Variants in SULF2 observed in about 807,000 individuals in gnomAD.
SULF2 encodes extracellular sulfatase Sulf-2.
In SULF2, 52 loss-of-function variants were observed where a neutral mutation model predicts 107.7. The ratio of observed to expected loss-of-function variants is 0.48; its 90% CI spans 0.39 to 0.61. The LOEUF (loss-of-function observed/expected upper bound fraction) is 0.61. Among genes scored for constraint, SULF2 ranks in the 20% least tolerant of loss-of-function variants. The pLI is 0.00. For missense variants in SULF2, 993 were observed against 1,177.3 expected, an observed-to-expected ratio of 0.84 and a Z score of 2.29; for synonymous variants, 460 against 464.3, an observed-to-expected ratio of 0.99 and a Z score of 0.12.
At chr20:47,701,538 T>G (rs927664529) in intron 4 of SULF2, among the ~76,000 whole-genome samples, 1 of 152,168 alleles carries the variant, frequency 6.6e-6, no homozygotes, top group Admixed American at 6.5e-5. Context: ...ACTCCGAACA[T>G]GCACACGCCC....
chr20:47,754,064 G>A (rs2090222346), intron 2 of SULF2, among the ~76,000 whole-genome samples: 1 of 152,192 alleles, frequency 6.6e-6, no homozygotes, highest in African/African-American at 2.4e-5. Flanking sequence ...AATTCCAAAT[G>A]ACAGCTTAGG....
chr20:47,701,799 C>T (rs1438469827), intron 4 of SULF2, among the ~76,000 whole-genome samples: 2 of 152,160 alleles, frequency 1.3e-5, no homozygotes, highest in African/African-American at 2.4e-5. Flanking sequence ...GAATCTGTAA[C>T]GCTAAGAGTC....
At chr20:47,684,062 A>G (rs2087915856) in intron 6 of SULF2, among the ~76,000 whole-genome samples, 1 of 152,276 alleles carries the variant, frequency 6.6e-6, no homozygotes, top group African/African-American at 2.4e-5. Context: ...CCTAACATGG[A>G]TGTGGTGATG....
intron 11 of SULF2, among the ~76,000 whole-genome samples, chr20:47,669,899 GAAGC>G (rs2087405557): frequency 1.3e-5 from 2 of 152,264 alleles, no homozygotes; most frequent in African/African-American, 4.8e-5. Flanking sequence ...GCCACATATT[GAAGC>G]AAGGAGATGC....
intron 1 of SULF2, among the ~76,000 whole-genome samples, chr20:47,769,159 G>A (rs957687187): frequency 4.0e-5 from 6 of 151,858 alleles, no homozygotes; most frequent in African/African-American, 1.2e-4. Flanking sequence ...TCCTGCCTCC[G>A]CCTCCTGAGT....
At chr20:47,764,450 C>T (rs187369958) in intron 1 of SULF2, among the ~76,000 whole-genome samples, 1 of 152,234 alleles carries the variant, frequency 6.6e-6, no homozygotes, top group Non-Finnish European at 1.5e-5. Flanking sequence ...TTTCCCACCC[C>T]CCCTTATATA....
intron 2 of SULF2, among the ~76,000 whole-genome samples, chr20:47,745,447 AT>A (rs2090011077): frequency 1.1e-4 from 1 of 9,380 alleles, no homozygotes; most frequent in Non-Finnish European, 1.7e-4. Context: ...ATATATATAT[AT>A]ATATATATAC....
At chr20:47,669,273 C>T (rs1176114825) in intron 11 of SULF2, among the ~76,000 whole-genome samples, 1 of 152,150 alleles carries the variant, frequency 6.6e-6, no homozygotes. Context: ...TGTGAGCTGG[C>T]TGGCTCTGCC....
intron 1 of SULF2, among the ~76,000 whole-genome samples, chr20:47,768,022 G>A (rs747026284): frequency 5.3e-5 from 8 of 152,166 alleles, no homozygotes; most frequent in Non-Finnish European, 7.4e-5. Flanking sequence ...CCTAGACCTG[G>A]GCCAATCAGA....
chr20:47,753,817 C>A lies in SULF2; in HGVS notation c.175+3372G>T, dbSNP rs576975278. Among the ~76,000 whole-genome samples the A allele has an allele frequency of 1.1e-4, 17 of 152,320 alleles. No individual in the cohort carries two copies. The South Asian group carries it at 2.3e-3, about 20-fold the overall frequency. ...GTTTAGATCAAATTAAATCAGTAAA[C>A]CCTGGCAGAGCCCAAAGATTCTACT... is the stretch of plus-strand genomic sequence containing the variant. On this transcript the variant is annotated intron_variant, in intron 2 of 20. Transcript: ENST00000688720.
Position 47,736,584 on chromosome 20 carries a change from G to T in SULF2, c.415+119C>A, listed in dbSNP as rs553986163. On this transcript the variant is annotated intron_variant, in intron 3 of 20. Coordinates refer to ENST00000688720, the MANE Select transcript of SULF2 (RefSeq NM_001387048.1). ...AATGCACAACTCTGAAATTATAAGA[G>T]AGTTGCTCTAGGGGCTATCCAGAAT... is the stretch of plus-strand genomic sequence containing the variant. The T allele has an allele frequency of 4.3e-5, 57 of 1,319,270 alleles. 1 individual carries two copies. The African/African-American group carries it at 7.5e-4, about 17-fold the overall frequency. The allele number at this position is 1,319,270 out of a possible 1,614,324, so 81.7% of individuals were successfully genotyped here. A position where few individuals can be genotyped will look rare whatever the true frequency, so the allele number is the denominator to read the frequency against.
At chr20:47,673,787 G>A (rs2087554063) in intron 10 of SULF2, among the ~76,000 whole-genome samples, 1 of 152,210 alleles carries the variant, frequency 6.6e-6, no homozygotes, top group South Asian at 2.1e-4. Context: ...CACTGTGACC[G>A]GCTATACCCA....
At chr20:47,662,205 T>C (rs980182107) in intron 17 of SULF2, among the ~76,000 whole-genome samples, 1 of 152,190 alleles carries the variant, frequency 6.6e-6, no homozygotes, top group Non-Finnish European at 1.5e-5. Flanking sequence ...AAGAAAGCCT[T>C]CCAAGTCTTG....
chr20:47,675,157 C>A lies in SULF2; in HGVS notation c.1380+1337G>T, dbSNP rs1332604483. The stretch of plus-strand genomic sequence containing the variant: ...CCAGTGGGGGACTTGACAACGTTCC[C>A]TCGTCGAGGGGCAAAGACTTCCTGG... On this transcript the variant is annotated intron_variant, in intron 10 of 20. Coordinates refer to ENST00000688720, the MANE Select transcript of SULF2 (RefSeq NM_001387048.1). Among the ~76,000 whole-genome samples, 6 of 152,182 alleles carry A rather than the reference C, an allele frequency of 3.9e-5. No individual in the cohort carries two copies. In the South Asian group the frequency reaches 1.2e-3, roughly 32 times the overall value.
intron 2 of SULF2, among the ~76,000 whole-genome samples, chr20:47,746,149 C>T (rs963060087): frequency 2.0e-5 from 3 of 152,218 alleles, no homozygotes; most frequent in African/African-American, 4.8e-5. Context: ...ACGTGCCTAG[C>T]CCTGTGGGCA....
chr20:47,733,670 G>A (rs1468607825), intron 3 of SULF2, among the ~76,000 whole-genome samples: 2 of 152,192 alleles, frequency 1.3e-5, no homozygotes, highest in African/African-American at 2.4e-5. Flanking sequence ...CTATTCAGGA[G>A]GCTGAGACAG....
intron 2 of SULF2, among the ~76,000 whole-genome samples, chr20:47,746,577 C>T (rs1228034227): frequency 6.6e-6 from 1 of 152,102 alleles, no homozygotes; most frequent in Non-Finnish European, 1.5e-5. Flanking sequence ...ACCAACTGCC[C>T]CAGAATAGCT....
At chr20:47,760,504 G>T (rs1335997152) in intron 1 of SULF2, among the ~76,000 whole-genome samples, 1 of 152,122 alleles carries the variant, frequency 6.6e-6, no homozygotes, top group African/African-American at 2.4e-5. Flanking sequence ...AAGGGCTCCT[G>T]TTGCTACCGG....
Position 47,657,982 on chromosome 20 carries a change from C to T in SULF2, c.*380G>A. On this transcript the variant is annotated 3_prime_UTR_variant, in exon 21 of 21. Coordinates refer to ENST00000688720, the MANE Select transcript of SULF2 (RefSeq NM_001387048.1). ...GGATTTAGAACAGGACTGCTTTTCCCCTATGATTTAAAAATTCCAATGACT... is the reference window on the plus strand; with the variant it reads ...GGATTTAGAACAGGACTGCTTTTCCTCTATGATTTAAAAATTCCAATGACT... 3.7e-6 allele frequency: 1 copy of T among 268,098 alleles called. No homozygotes were observed. Among genetic ancestry groups the T allele is most frequent in the Non-Finnish European group, 7.1e-6 (1 of 139,926 alleles). The allele number at this position is 268,098 out of a possible 1,614,324, so 16.6% of individuals were successfully genotyped here.
Sources: allele counts gnomAD v4.1 joint callset (sites outside exome capture counted in the v4.1 genomes callset), GRCh38; gene constraint gnomAD v4.1.1; transcripts MANE v1.5; gene names NCBI Gene and HGNC (gene_info 2026-07-23, HGNC 2026-07-21).